RYR2: variants seen among roughly 807,000 people sequenced by gnomAD.
RYR2 encodes cardiac muscle ryanodine receptor-calcium release channel.
In RYR2, 227 loss-of-function variants were observed where a neutral mutation model predicts 601.1. The ratio of observed to expected loss-of-function variants is 0.38; its 90% CI spans 0.34 to 0.42. RYR2 has a LOEUF of 0.42. RYR2 is among the 10% of genes least tolerant of loss of function. RYR2 has a pLI of 1.00. For synonymous variants in RYR2, 2,223 were observed against 2,175.1 expected (o/e 1.02, Z -0.61); for missense variants, 4,646 against 6,156.5 (o/e 0.75, Z 8.21).
Position 237,832,506 on chromosome 1 carries a change from C to T in RYR2, c.14809-46C>T, listed in dbSNP as rs955618360. ...GAGTTTCTACCTTATGTTTTGTTAG[C>T]ACACACTTTGGGGAAAATGTTAATA... On this transcript the variant is annotated intron_variant, in intron 104 of 104. Coordinates refer to ENST00000366574, the MANE Select transcript of RYR2 (RefSeq NM_001035.3). 3 of 1,274,408 alleles carry T rather than the reference C, an allele frequency of 2.4e-6. No individual in the cohort carries two copies. The African/African-American group carries it at 4.4e-5, about 19-fold the overall frequency. The allele number at this position is 1,274,408 out of a possible 1,614,324, so 78.9% of individuals were successfully genotyped here. A position where few individuals can be genotyped will look rare whatever the true frequency, so the allele number is the denominator to read the frequency against.
intron 42 of RYR2, among the ~76,000 whole-genome samples, chr1:237,631,852 T>C (rs1186719259): frequency 8.3e-6 from 1 of 120,188 alleles, no homozygotes; most frequent in Non-Finnish European, 1.7e-5. Context: ...ATGGTCTCGA[T>C]CTCCTGACCT....
chr1:237,130,816 A>T (rs1028893608), intron 1 of RYR2, among the ~76,000 whole-genome samples: 2 of 152,208 alleles, frequency 1.3e-5, no homozygotes, highest in African/African-American at 4.8e-5. Context: ...ACATCGCCAT[A>T]TGCCTCAAAT....
intron 74 of RYR2, among the ~76,000 whole-genome samples, chr1:237,724,577 A>G (rs956329734): frequency 2.0e-5 from 3 of 151,990 alleles, no homozygotes; most frequent in African/African-American, 4.8e-5. Flanking sequence ...TTGGAACTTA[A>G]TACTTTCCCC....
rs554846691 is a variant in RYR2, at chr1:237,228,986, A to G, written c.49-41511A>G. ...CCAAGAACTGTGGGAAGTATCCCCT[A>G]TCATTGCTTCATTTCACTCCAGGAG... On this transcript the variant is annotated intron_variant, in intron 1 of 104. Coordinates refer to ENST00000366574, the MANE Select transcript of RYR2 (RefSeq NM_001035.3). Among the ~76,000 whole-genome samples, 58 of 152,262 alleles carry G rather than the reference A, an allele frequency of 3.8e-4. 1 individual carries two copies. The South Asian group carries it at 0.011, about 29-fold the overall frequency.
intron 62 of RYR2, among the ~76,000 whole-genome samples, chr1:237,682,796 AG>A (rs373703437): frequency 6.0e-4 from 91 of 152,364 alleles, no homozygotes; most frequent in Middle Eastern, 3.4e-3. Flanking sequence ...TCCCAAAAAA[AG>A]GAGCATGTGC....
At chr1:237,639,229 G>A (rs778992421) in intron 46 of RYR2, 28 bp downstream of exon 46, 24 of 1,578,514 alleles carry the variant, frequency 1.5e-5, no homozygotes, top group Non-Finnish European at 2.1e-5. Context: ...ACCCTCACGA[G>A]TGATCCATAC....
intron 1 of RYR2, among the ~76,000 whole-genome samples, chr1:237,232,534 C>G (rs938919076): frequency 1.3e-5 from 2 of 152,122 alleles, no homozygotes; most frequent in Admixed American, 1.3e-4. Flanking sequence ...TTACAATAAA[C>G]CAGTAAATAT....
chr1:237,356,380 G>A (rs1209478526), intron 4 of RYR2, among the ~76,000 whole-genome samples: 4 of 150,020 alleles, frequency 2.7e-5, no homozygotes, highest in East Asian at 3.9e-4. Context: ...ATTTCTGCAT[G>A]TACTGTAGAA....
At chr1:237,551,106 T>G (rs149140142) in intron 27 of RYR2, among the ~76,000 whole-genome samples, 1 of 152,348 alleles carries the variant, frequency 6.6e-6, no homozygotes, top group South Asian at 2.1e-4. Flanking sequence ...AACATTGAAT[T>G]AATTAATGTG....
At chr1:237,651,806 G>C (rs905518994) in intron 51 of RYR2, among the ~76,000 whole-genome samples, 19 of 152,198 alleles carry the variant, frequency 1.2e-4, no homozygotes, top group Non-Finnish European at 2.6e-4. Flanking sequence ...GGGAGGCCAA[G>C]GTGGGCGGAT....
chr1:237,338,825 T>A (rs1359523227), intron 3 of RYR2, among the ~76,000 whole-genome samples: 1 of 152,192 alleles, frequency 6.6e-6, no homozygotes, highest in Non-Finnish European at 1.5e-5. Context: ...CCACGCTAGT[T>A]GAGTTTTATA....
chr1:237,655,757 G>T, intron 52 of RYR2, 64 bp from the exon 53 acceptor site: 1 of 1,458,048 alleles, frequency 6.9e-7, no homozygotes, highest in Non-Finnish European at 9.3e-7. Flanking sequence ...TGTCAGCCCT[G>T]ATGATCATGC....
chr1:237,775,967 C>T lies in RYR2; in HGVS notation c.11775+2319C>T, dbSNP rs192770213. On this transcript the variant is annotated intron_variant, in intron 87 of 104. Transcript: ENST00000366574. Reference sequence around the variant, plus strand: ...GTACTTTGGCTTTGGGCTTGCAACTCTGTCACATGAGGGTTGGCCAAACAA... The same window carrying T: ...GTACTTTGGCTTTGGGCTTGCAACTTTGTCACATGAGGGTTGGCCAAACAA... Among the ~76,000 whole-genome samples the T allele has an allele frequency of 6.8e-4, 103 of 152,294 alleles. 1 individual carries two copies. The highest frequency in any genetic ancestry group is 6.7e-3 in the Admixed American group (103 of 15,296).
intron 90 of RYR2, among the ~76,000 whole-genome samples, 190 bp from the exon 91 acceptor site, chr1:237,785,779 A>AG (rs1013095706): frequency 2.2e-4 from 34 of 152,314 alleles, no homozygotes; most frequent in African/African-American, 7.9e-4. Flanking sequence ...CTGGTGCAGT[A>AG]GGTCAGTGTG....
chr1:237,343,534 T>C (rs533066317), intron 3 of RYR2, among the ~76,000 whole-genome samples: 30 of 152,160 alleles, frequency 2.0e-4, no homozygotes, highest in Non-Finnish European at 3.2e-4. Flanking sequence ...TAAGTGATTT[T>C]TTTTTTCAGA....
rs16835813 is a variant in RYR2, at chr1:237,787,926, A to G, written c.13329-62A>G. 0.036 allele frequency: 53,101 copies of G among 1,486,152 alleles called. 1,086 individuals carry two copies. Among genetic ancestry groups the G allele is most frequent in the East Asian group, 0.053 (2,137 of 40,602 alleles). The allele number at this position is 1,486,152 out of a possible 1,614,324, so 92.1% of individuals were successfully genotyped here. A position where few individuals can be genotyped will look rare whatever the true frequency, so the allele number is the denominator to read the frequency against. ...TATTTGTTCACTTGGGTAATTTTCCACAACACCCGTTTAGTTCTTTAGTTT... is the reference window on the plus strand; with the variant it reads ...TATTTGTTCACTTGGGTAATTTTCCGCAACACCCGTTTAGTTCTTTAGTTT... On this transcript the variant is annotated intron_variant, in intron 91 of 104. Coordinates refer to ENST00000366574, the MANE Select transcript of RYR2 (RefSeq NM_001035.3).
At chr1:237,207,041 G>A (rs893254798) in intron 1 of RYR2, among the ~76,000 whole-genome samples, 3 of 151,994 alleles carry the variant, frequency 2.0e-5, no homozygotes, top group African/African-American at 7.2e-5. Flanking sequence ...TGCTTGGCTG[G>A]GTGCAGTGTT....
rs2148430893 is a variant in RYR2 at position 237,589,887 on chromosome 1, C to T, written c.3693C>T (p.Gly1231=). 6.2e-7 allele frequency: 1 copy of T among 1,613,858 alleles called. No individual in the cohort carries two copies. The highest frequency in any genetic ancestry group is 8.5e-7 in the Non-Finnish European group (1 of 1,179,866). The change falls in exon 30 of 105, where the codon GGC becomes GGT. Residue 1231 remains glycine, a synonymous_variant. Coordinates refer to ENST00000366574, the MANE Select transcript of RYR2 (RefSeq NM_001035.3). ...CCTTGAAATATTTCACCATCTGTGGCTTACAAGAGGGCTATGAACCATTTG... is the reference window on the plus strand; with the variant it reads ...CCTTGAAATATTTCACCATCTGTGGTTTACAAGAGGGCTATGAACCATTTG... ...VSTLKYFTIC[G]LQEGYEPFAV...
intron 1 of RYR2, among the ~76,000 whole-genome samples, chr1:237,107,201 T>C (rs1668778180): frequency 6.6e-6 from 1 of 152,128 alleles, no homozygotes; most frequent in Non-Finnish European, 1.5e-5. Flanking sequence ...ACTTTATATA[T>C]CTTAACTTAG....
Sources: gnomAD v4.1 joint callset for allele counts (sites outside exome capture counted in the v4.1 genomes callset) on GRCh38, gnomAD v4.1.1 for gene constraint, MANE v1.5 for transcripts, NCBI Gene and HGNC (gene_info 2026-07-23, HGNC 2026-07-21) for gene names.